The following TGFA variants were observed in gnomAD, a reference collection of about 807,000 sequenced individuals.
TGFA encodes the protein protransforming growth factor alpha.
In TGFA, 12 loss-of-function variants were observed where a neutral mutation model predicts 21.7. The observed-to-expected ratio is 0.55, with a 90% CI of 0.35 to 0.90. TGFA has a LOEUF of 0.90. Ranked by LOEUF, TGFA falls within the 40% of genes least tolerant of loss-of-function variation. The pLI, the probability that TGFA is intolerant of heterozygous loss-of-function variation, is 0.01. For synonymous variants in TGFA, 79 were observed against 88.1 expected, an observed-to-expected ratio of 0.90 and a Z score of 0.58; for missense variants, 178 against 210.8, an observed-to-expected ratio of 0.84 and a Z score of 0.96.
intron 2 of TGFA, among the ~76,000 whole-genome samples, chr2:70,508,300 C>T (rs1574115326): frequency 6.6e-6 from 1 of 152,182 alleles, no homozygotes; most frequent in African/African-American, 2.4e-5. Context: ...CAAAAATTAG[C>T]TGGGCGTGGT....
At chr2:70,480,288 C>T (rs1553495217) in intron 2 of TGFA, among the ~76,000 whole-genome samples, 1 of 152,132 alleles carries the variant, frequency 6.6e-6, no homozygotes, top group Non-Finnish European at 1.5e-5. Context: ...ATCCAGATGG[C>T]CTGCCCTCAC....
chr2:70,452,476 AT>A (rs1457411751), intron 5 of TGFA, among the ~76,000 whole-genome samples: 1 of 127,400 alleles, frequency 7.8e-6, no homozygotes, highest in Non-Finnish European at 1.9e-5. Context: ...TTTTAAGGTC[AT>A]TAGAGACCTT....
At chr2:70,499,427 G>A (rs1195626438) in intron 2 of TGFA, among the ~76,000 whole-genome samples, 1 of 152,340 alleles carries the variant, frequency 6.6e-6, no homozygotes, top group East Asian at 1.9e-4. Context: ...CAGAGTGACC[G>A]AGAGTTAAAC....
chr2:70,543,223 C>T (rs1211898452), intron 1 of TGFA, among the ~76,000 whole-genome samples: 2 of 151,992 alleles, frequency 1.3e-5, no homozygotes, highest in Admixed American at 1.3e-4. Context: ...CTTTATTTCA[C>T]ATTTGTTAAA....
intron 1 of TGFA, among the ~76,000 whole-genome samples, chr2:70,539,759 T>C (rs1407043955): frequency 2.0e-5 from 3 of 152,212 alleles, no homozygotes; most frequent in Non-Finnish European, 2.9e-5. Flanking sequence ...CCAGACAACC[T>C]TGATATTTCA....
chr2:70,476,775 A>T (rs1670947346), intron 2 of TGFA, among the ~76,000 whole-genome samples: 1 of 152,260 alleles, frequency 6.6e-6, no homozygotes, highest in Admixed American at 6.5e-5. Context: ...ATACAGAGGT[A>T]AATTTAAGGC....
At chr2:70,550,729 C>CAGG (rs1673473857) in intron 1 of TGFA, among the ~76,000 whole-genome samples, 3 of 152,054 alleles carry the variant, frequency 2.0e-5, no homozygotes, top group Admixed American at 6.5e-5. Context: ...GAGGCTGAGG[C>CAGG]AGAATGGCGT....
At chr2:70,489,700 T>A (rs1247023535) in intron 2 of TGFA, among the ~76,000 whole-genome samples, 1 of 152,238 alleles carries the variant, frequency 6.6e-6, no homozygotes, top group East Asian at 1.9e-4. Context: ...TTATACTCAC[T>A]GTGTCTACCA....
At chr2:70,512,656 G>A (rs1672138232) in intron 2 of TGFA, among the ~76,000 whole-genome samples, 1 of 152,186 alleles carries the variant, frequency 6.6e-6, no homozygotes, top group Admixed American at 6.5e-5. Flanking sequence ...AAATTTATCA[G>A]GTCTGCCCAC....
rs202231014 is a variant in TGFA at position 70,450,907 on chromosome 2, C to T, written c.476-41G>A. ...AACAGGTTAAGCACTGTGGGCCACA[C>T]CCTGGCCACGTTGGGAAAATAAGCT... On this transcript the variant is annotated intron_variant, in intron 5 of 5. Coordinates refer to ENST00000295400, the MANE Select transcript of TGFA (RefSeq NM_003236.4). 1.0e-5 allele frequency: 16 copies of T among 1,598,496 alleles called. No individual in the cohort carries two copies. In the Admixed American group the frequency reaches 2.7e-4, roughly 27 times the overall value.
chr2:70,507,098 C>T (rs1671948303), intron 2 of TGFA, among the ~76,000 whole-genome samples: 2 of 152,178 alleles, frequency 1.3e-5, no homozygotes, highest in African/African-American at 4.8e-5. Context: ...AGCCAAGCTA[C>T]AAAAATGGGT....
chr2:70,454,571 C>T (rs782549759), intron 4 of TGFA, among the ~76,000 whole-genome samples: 2 of 152,198 alleles, frequency 1.3e-5, no homozygotes, highest in African/African-American at 2.4e-5. Flanking sequence ...TTGTCCTTGT[C>T]ACTTCCCAGA....
At chr2:70,496,805 T>C (rs975093428) in intron 2 of TGFA, among the ~76,000 whole-genome samples, 3 of 152,156 alleles carry the variant, frequency 2.0e-5, no homozygotes, top group Non-Finnish European at 4.4e-5. Flanking sequence ...ATTAATTAAC[T>C]AGACAGACAA....
intron 2 of TGFA, among the ~76,000 whole-genome samples, chr2:70,488,827 C>T (rs566485826): frequency 2.6e-5 from 4 of 152,304 alleles, no homozygotes; most frequent in South Asian, 2.1e-4. Flanking sequence ...TCCATTTATT[C>T]GCATTTCTGT....
chr2:70,539,330 G>A (rs77925004), intron 1 of TGFA, among the ~76,000 whole-genome samples: 2,596 of 152,114 alleles, frequency 0.017, 85 homozygotes, highest in African/African-American at 0.06. Context: ...CCGTAAAATG[G>A]CAGAGAGAGG....
chr2:70,480,302 C>T (rs1490995467), intron 2 of TGFA, among the ~76,000 whole-genome samples: 1 of 152,206 alleles, frequency 6.6e-6, no homozygotes, highest in African/African-American at 2.4e-5. Context: ...CCCTCACCCT[C>T]ATACCTTGGC....
chr2:70,451,641 A>G, intron 5 of TGFA: 1 of 646,010 alleles, frequency 1.5e-6, no homozygotes, highest in Non-Finnish European at 2.8e-6. Context: ...TTAGGTTCAG[A>G]CAAATGCTAC....
At chr2:70,494,009 G>A (rs565023913) in intron 2 of TGFA, among the ~76,000 whole-genome samples, 38 of 151,928 alleles carry the variant, frequency 2.5e-4, no homozygotes, top group African/African-American at 8.9e-4. Context: ...AGTCTGAAAT[G>A]AGTCTTATGG....
At chr2:70,459,928 T>C (rs1373733981) in intron 3 of TGFA, among the ~76,000 whole-genome samples, 1 of 152,162 alleles carries the variant, frequency 6.6e-6, no homozygotes, top group African/African-American at 2.4e-5. Context: ...TCATTGGGAC[T>C]CCAGGTCATG....
Sources: gnomAD v4.1 joint callset for allele counts (sites outside exome capture counted in the v4.1 genomes callset) on GRCh38, gnomAD v4.1.1 for gene constraint, MANE v1.5 for transcripts, NCBI Gene and HGNC (gene_info 2026-07-23, HGNC 2026-07-21) for gene names.